CNTN6: variants seen among roughly 807,000 people sequenced by gnomAD.
CNTN6 encodes contactin-6.
A neutral mutation model predicts 122.8 loss-of-function variants in CNTN6; 137 were observed. That is an observed-to-expected ratio of 1.12 (90% confidence interval 0.97 to 1.29). CNTN6 has a LOEUF of 1.29. Ranked by LOEUF, CNTN6 falls within the 50% of genes most tolerant of loss-of-function variation. The pLI, the probability that CNTN6 is intolerant of heterozygous loss-of-function variation, is 0.00. For missense variants in CNTN6, 1,634 were observed against 1,223.4 expected (o/e 1.34, Z -5.01); for synonymous variants, 570 against 426.0 (o/e 1.34, Z -4.16).
intron 1 of CNTN6, among the ~76,000 whole-genome samples, chr3:1,106,580 A>C (rs1197647385): frequency 1.3e-5 from 2 of 152,060 alleles, no homozygotes; most frequent in African/African-American, 2.4e-5. Flanking sequence ...TGGCATATTT[A>C]GTAATAAATA....
At chr3:1,178,367 TGATAA>T (rs1031082066) in intron 2 of CNTN6, among the ~76,000 whole-genome samples, 13 of 152,204 alleles carry the variant, frequency 8.5e-5, no homozygotes, top group African/African-American at 2.9e-4. Flanking sequence ...TCAAGTCTAC[TGATAA>T]GATGAAGGTT....
intron 4 of CNTN6, among the ~76,000 whole-genome samples, chr3:1,241,195 T>C (rs541175857): frequency 1.7e-3 from 254 of 151,850 alleles, no homozygotes; most frequent in African/African-American, 5.2e-3. Flanking sequence ...ACGTGCAAGT[T>C]ACAGGGGATG....
At chr3:1,383,673 A>C (rs1485903236) in intron 19 of CNTN6, among the ~76,000 whole-genome samples, 1 of 152,114 alleles carries the variant, frequency 6.6e-6, no homozygotes, top group African/African-American at 2.4e-5. Flanking sequence ...ACAAAAAAAA[A>C]CAGCTTTATT....
At chr3:1,312,248 T>G (rs546381832) in intron 7 of CNTN6, among the ~76,000 whole-genome samples, 1 of 151,832 alleles carries the variant, frequency 6.6e-6, no homozygotes, top group Non-Finnish European at 1.5e-5. Flanking sequence ...TCAAGGAGCA[T>G]AGAGTGGATT....
In CNTN6 at chr3:1,227,901, C is replaced by T; in HGVS notation, c.266C>T (p.Pro89Leu). The T allele has an allele frequency of 6.2e-7, 1 of 1,613,872 alleles. No individual in the cohort carries two copies. Among genetic ancestry groups the T allele is most frequent in the Non-Finnish European group, 8.5e-7 (1 of 1,179,908 alleles). ...LDGGSLAINS[P>L]HTDQDIGMYQ... The stretch of plus-strand genomic sequence containing the variant: ...GGAGGCAGTCTTGCAATCAATAGCC[C>T]CCACACAGATCAAGATATTGGCATG... Residue 89 changes from proline to leucine, a missense_variant, in exon 4 of 23, where the codon CCC becomes CTC. Coordinates refer to ENST00000446702, the MANE Select transcript of CNTN6 (RefSeq NM_001289080.2).
chr3:1,209,739 G>A (rs1244714557), intron 2 of CNTN6, among the ~76,000 whole-genome samples: 1 of 104,014 alleles, frequency 9.6e-6, no homozygotes, highest in Non-Finnish European at 2.1e-5. Context: ...AGGTAAAACT[G>A]TGAGCCCCAG....
In CNTN6 at chr3:1,306,697, A is replaced by G. The variant is rs866618194; in HGVS notation, c.761+8706A>G. Among the ~76,000 whole-genome samples the G allele has an allele frequency of 2.1e-4, 32 of 152,182 alleles. 1 individual carries two copies. The highest frequency in any genetic ancestry group is 7.5e-4 in the African/African-American group (31 of 41,462). ...AATGTTTGTAAGGACTGGAAATACT[A>G]TTAAGCTCACTTACTAAATTTCCTG... is the stretch of plus-strand genomic sequence containing the variant. On this transcript the variant is annotated intron_variant, in intron 7 of 22. Transcript: ENST00000446702.
At chr3:1,254,997 A>G (rs2125683111) in intron 4 of CNTN6, among the ~76,000 whole-genome samples, 1 of 152,216 alleles carries the variant, frequency 6.6e-6, no homozygotes, top group East Asian at 1.9e-4. Flanking sequence ...CTAATTCATT[A>G]CGTATTGTTG....
At chr3:1,377,316 A>G (rs1575949613) in intron 17 of CNTN6, among the ~76,000 whole-genome samples, 1 of 152,146 alleles carries the variant, frequency 6.6e-6, no homozygotes, top group Admixed American at 6.6e-5. Flanking sequence ...TTCAGTATCT[A>G]TTGAGCGTGT....
At chr3:1,366,926 C>CT (rs1444144892) in intron 12 of CNTN6, among the ~76,000 whole-genome samples, 1 of 152,170 alleles carries the variant, frequency 6.6e-6, no homozygotes, top group Admixed American at 6.5e-5. Flanking sequence ...CAAATACAGT[C>CT]TATTTTTCAC....
chr3:1,241,966 G>A (rs28853969), intron 4 of CNTN6, among the ~76,000 whole-genome samples: 56,518 of 147,168 alleles, frequency 0.38, 11,773 homozygotes, highest in African/African-American at 0.62. Context: ...GTGTGGTCCT[G>A]GCTCTTGTGT....
At chr3:1,114,557 G>A (rs975315158) in intron 1 of CNTN6, among the ~76,000 whole-genome samples, 1 of 152,108 alleles carries the variant, frequency 6.6e-6, no homozygotes, top group African/African-American at 2.4e-5. Flanking sequence ...GGGATCACAG[G>A]TCAATAGGAA....
Position 1,372,923 on chromosome 3 carries a change from G to GT in CNTN6, c.1757dup (p.Leu586PhefsTer10). 6.2e-7 allele frequency: 1 copy of GT among 1,603,328 alleles called. No homozygotes were observed. The highest frequency in any genetic ancestry group is 8.5e-7 in the Non-Finnish European group (1 of 1,172,518). On this transcript the variant is annotated frameshift_variant, in exon 14 of 23. Transcript: ENST00000446702. LOFTEE classifies it high-confidence loss of function. Reference sequence around the variant, plus strand: ...TGCACAGTACAAACAACCCTAGAAAGTTTATCTGCAGTAGCCGATATCATT... The same window carrying GT: ...TGCACAGTACAAACAACCCTAGAAAGTTTTATCTGCAGTAGCCGATATCATT...
chr3:1,117,251 A>G (rs6442213), intron 1 of CNTN6, among the ~76,000 whole-genome samples: 132,033 of 152,152 alleles, frequency 0.87, 57,854 homozygotes, highest in East Asian at 1. Context: ...AATCTCTGAC[A>G]AAGATTTGGA....
Position 1,373,575 on chromosome 3 carries a change from T to C in CNTN6, c.1787-29T>C, listed in dbSNP as rs1185137791. 3.1e-6 allele frequency: 5 copies of C among 1,605,488 alleles called. No individual in the cohort carries two copies. The East Asian group carries it at 6.7e-5, about 22-fold the overall frequency. On this transcript the variant is annotated intron_variant, in intron 14 of 22. Coordinates refer to ENST00000446702, the MANE Select transcript of CNTN6 (RefSeq NM_001289080.2). ...AATTAATGAATGTAAGTATCTCCAA[T>C]GGAGTCATGATAAAACATTTTTTTC...
Position 1,249,937 on chromosome 3 carries a change from G to T in CNTN6, c.358+21944G>T, listed in dbSNP as rs554866853. ...TCTGTTTTTGTGTTGTTTCTGTTTT[G>T]TTTTTTTGTTGTTTTTTGTTTTTTG... On this transcript the variant is annotated intron_variant, in intron 4 of 22. Coordinates refer to ENST00000446702, the MANE Select transcript of CNTN6 (RefSeq NM_001289080.2). 3.7e-3 allele frequency among the ~76,000 whole-genome samples: 567 copies of T among 151,918 alleles called. 5 individuals carry two copies. The highest frequency in any genetic ancestry group is 0.013 in the African/African-American group (526 of 41,420).
intron 11 of CNTN6, among the ~76,000 whole-genome samples, chr3:1,341,184 T>TG (rs1399865231): frequency 1.4e-5 from 2 of 143,346 alleles, no homozygotes; most frequent in African/African-American, 4.9e-5. Flanking sequence ...CATAGTTTGT[T>TG]GGTTTTTTTT....
In CNTN6 at chr3:1,218,693, G is replaced by C. The variant is rs866556095; in HGVS notation, c.56-1994G>C. 1.3e-5 allele frequency among the ~76,000 whole-genome samples: 2 copies of C among 152,090 alleles called. 1 individual carries two copies. Among genetic ancestry groups the C allele is most frequent in the South Asian group, 4.2e-4 (2 of 4,818 alleles). ...TTGCAAATATAAACAGAGGACAACTGTAAATCACCATAAATGAACACATCA... is the reference window on the plus strand; with the variant it reads ...TTGCAAATATAAACAGAGGACAACTCTAAATCACCATAAATGAACACATCA... On this transcript the variant is annotated intron_variant, in intron 2 of 22. Transcript: ENST00000446702.
intron 2 of CNTN6, among the ~76,000 whole-genome samples, chr3:1,176,919 C>T (rs181094298): frequency 6.6e-6 from 1 of 152,228 alleles, no homozygotes; most frequent in East Asian, 1.9e-4. Flanking sequence ...CTCCTCAATG[C>T]TAAGAGGTGC....
Sources: gnomAD v4.1 joint callset for allele counts (sites outside exome capture counted in the v4.1 genomes callset) on GRCh38, gnomAD v4.1.1 for gene constraint, MANE v1.5 for transcripts, NCBI Gene and HGNC (gene_info 2026-07-23, HGNC 2026-07-21) for gene names.